Variants in ATAD5 observed in about 807,000 individuals in gnomAD.
The protein encoded by ATAD5 is ATPase family AAA domain-containing protein 5.
Under a neutral mutation model 176.9 loss-of-function variants are expected in ATAD5, and 58 were observed. The ratio of observed to expected loss-of-function variants is 0.33; its 90% CI spans 0.27 to 0.41. ATAD5 has a LOEUF of 0.41. ATAD5 is among the 10% of genes least tolerant of loss of function. ATAD5 has a pLI of 1.00. For synonymous variants in ATAD5, 640 were observed against 712.6 expected (o/e 0.90, Z 1.62); for missense variants, 1,789 against 2,094.1 (o/e 0.85, Z 2.84).
At chr17:30,851,445 G>A (rs565799426) in intron 6 of ATAD5, among the ~76,000 whole-genome samples, 119 of 148,996 alleles carry the variant, frequency 8.0e-4, no homozygotes, top group African/African-American at 2.7e-3. Flanking sequence ...ACAGTGAGCC[G>A]AGATCCCGCC....
intron 6 of ATAD5, among the ~76,000 whole-genome samples, chr17:30,847,125 G>T (rs1906556125): frequency 1.3e-5 from 2 of 152,154 alleles, no homozygotes; most frequent in African/African-American, 2.4e-5. Context: ...CCTCATTGCA[G>T]TTAATTTCTG....
intron 6 of ATAD5, among the ~76,000 whole-genome samples, chr17:30,847,053 A>G (rs1906551994): frequency 6.6e-6 from 1 of 151,988 alleles, no homozygotes; most frequent in Admixed American, 6.6e-5. Flanking sequence ...ACATACCTGT[A>G]ATTACCACCA....
At position 30,876,705 on chromosome 17, in the gene ATAD5, T is replaced by C. The variant is rs76407466; in HGVS notation, c.3784+155T>C. Among the ~76,000 whole-genome samples, 6 of 43,744 alleles carry C rather than the reference T, an allele frequency of 1.4e-4. No homozygotes were observed. The African/African-American group carries it at 1.6e-3, about 12-fold the overall frequency. The allele number at this position is 43,744 out of a possible 152,430, so 28.7% of individuals were successfully genotyped here. On this transcript the variant is annotated intron_variant, in intron 15 of 22. Coordinates refer to ENST00000321990, the MANE Select transcript of ATAD5 (RefSeq NM_024857.5). ...AGAAGTGTTAATATTTTGTTTCCTT[T>C]TTTTTTTTTTTTTTTTTTTTTTTTT...
intron 14 of ATAD5, among the ~76,000 whole-genome samples, chr17:30,871,884 T>C (rs1218204955): frequency 6.6e-6 from 1 of 152,116 alleles, no homozygotes. Flanking sequence ...TCTTCTGTGA[T>C]GTGGTTAAGT....
At chr17:30,859,827 G>A (rs1447812725) in intron 9 of ATAD5, among the ~76,000 whole-genome samples, 3 of 146,830 alleles carry the variant, frequency 2.0e-5, no homozygotes, top group South Asian at 2.4e-4. Flanking sequence ...AGGTTCCACC[G>A]ATTCTCCTGC....
At chr17:30,841,455 T>G (rs1459069282) in intron 4 of ATAD5, among the ~76,000 whole-genome samples, 1 of 152,216 alleles carries the variant, frequency 6.6e-6, no homozygotes, top group African/African-American at 2.4e-5. Flanking sequence ...TCCTGCTAAC[T>G]GCCAGTACCT....
chr17:30,855,689 T>A (rs11652409), intron 7 of ATAD5, among the ~76,000 whole-genome samples: 19,978 of 151,784 alleles, frequency 0.13, 1,457 homozygotes, highest in South Asian at 0.24. Context: ...CTAACTAACT[T>A]AATTAATTAA....
chr17:30,834,870 A>C lies in ATAD5; in HGVS notation c.789A>C (p.Ile263=), dbSNP rs1905613324. 9 of 1,613,704 alleles carry C rather than the reference A, an allele frequency of 5.6e-6. No homozygotes were observed. The East Asian group carries it at 2.0e-4, about 36-fold the overall frequency. ...CAGCCCAGTTAAATGATAGTATAAT[A>C]ACTGTCTCATATGAGGAATTTTTAA... The part of the protein sequence containing the change: ...TEAAQLNDSI[I]TVSYEEFLKS... Residue 263 remains isoleucine (I), a synonymous_variant, in exon 2 of 23, where the codon ATA becomes ATC. Coordinates refer to ENST00000321990, the MANE Select transcript of ATAD5 (RefSeq NM_024857.5).
chr17:30,869,587 A>G lies in ATAD5; in HGVS notation c.3548A>G (p.Gln1183Arg). 6.2e-7 allele frequency: 1 copy of G among 1,608,158 alleles called. No homozygotes were observed. The highest frequency in any genetic ancestry group is 1.7e-5 in the Admixed American group (1 of 57,970). Residue 1183 changes from glutamine (Q) to arginine (R), a missense_variant, in exon 14 of 23, where the codon CAA becomes CGA. Gln to Arg is a conservative substitution (Grantham distance 43). This residue lies in a region of ATAD5 where 194 missense variants were observed against 270.1 expected (regional missense o/e 0.72). Transcript: ENST00000321990. ...EATQSHQVDK[Q>R]GVNSQKPCFF... ...ACTCAGTCCCATCAAGTAGACAAAC[A>G]AGGTGTAAACTCACAAAAACCCTGT...
chr17:30,842,053 G>A lies in ATAD5; in HGVS notation c.2241+1272G>A, dbSNP rs367813459. Among the ~76,000 whole-genome samples, 75 of 152,172 alleles carry A rather than the reference G, an allele frequency of 4.9e-4. 1 individual carries two copies. In the South Asian group the frequency reaches 0.014, roughly 29 times the overall value. On this transcript the variant is annotated intron_variant, in intron 4 of 22. Transcript: ENST00000321990. The stretch of plus-strand genomic sequence containing the variant: ...TGAGAGGCTGAGGCGGGAGGATCAC[G>A]AGGTCAGGAGTTTGAGACCAGTCTG...
intron 10 of ATAD5, among the ~76,000 whole-genome samples, chr17:30,865,211 C>T (rs150164658): frequency 0.03 from 4,435 of 145,828 alleles, 242 homozygotes; most frequent in African/African-American, 0.11. Context: ...CTCGCTCTGT[C>T]GCCCAGGCTA....
At chr17:30,869,809 A>C in intron 14 of ATAD5, 163 bp downstream of exon 14, 1 of 692,766 alleles carries the variant, frequency 1.4e-6, no homozygotes, top group Non-Finnish European at 2.3e-6. Flanking sequence ...GAAGACCATC[A>C]TATCATTTCA....
chr17:30,879,520 A>G (rs1439070560), intron 18 of ATAD5, 33 bp downstream of exon 18: 3 of 1,551,778 alleles, frequency 1.9e-6, no homozygotes, highest in South Asian at 2.4e-5. Context: ...CACAAATTAC[A>G]TATCACCATC....
In ATAD5 at chr17:30,835,139, A is replaced by G; in HGVS notation, c.1058A>G (p.Asn353Ser). 6.2e-7 allele frequency: 1 copy of G among 1,614,162 alleles called. No individual in the cohort carries two copies. Among genetic ancestry groups the G allele is most frequent in the African/African-American group, 1.3e-5 (1 of 75,056 alleles). ...FLKQKQFEME[N>S]SLSDPENEQT... is the part of the protein sequence containing the mutation. ...AAACAAAAGCAATTTGAAATGGAAA[A>G]TAGTTTATCTGATCCTGAGAATGAA... Residue 353 changes from asparagine to serine, a missense_variant, in exon 2 of 23, where the codon AAT becomes AGT. By Grantham distance (46) the Asn-to-Ser change is conservative. Transcript: ENST00000321990.
chr17:30,840,306 CTG>C (rs1304194400), intron 3 of ATAD5, among the ~76,000 whole-genome samples: 1 of 150,496 alleles, frequency 6.6e-6, no homozygotes, highest in African/African-American at 2.5e-5. Flanking sequence ...GGCTGGGTAA[CTG>C]TTTGGATTTG....
intron 4 of ATAD5, 126 bp downstream of exon 4, chr17:30,840,907 C>A (rs1220444244): frequency 5.3e-6 from 5 of 938,002 alleles, no homozygotes; most frequent in Non-Finnish European, 6.1e-6. Flanking sequence ...GAGAGAATAT[C>A]ATTTTCAGTT....
intron 11 of ATAD5, among the ~76,000 whole-genome samples, chr17:30,866,434 G>A (rs889212215): frequency 6.7e-6 from 1 of 150,184 alleles, no homozygotes; most frequent in Admixed American, 6.6e-5. Flanking sequence ...GACCTCAGGT[G>A]GTCCACCCGC....
At position 30,868,384 on chromosome 17, in the gene ATAD5, GA is replaced by G; in HGVS notation, c.3287del (p.Lys1096ArgfsTer15). On this transcript the variant is annotated frameshift_variant, in exon 12 of 23. Transcript: ENST00000321990. LOFTEE classifies it high-confidence loss of function. ...CTGAATTGGAAGAAAGGCAGAATCT[GA>G]AGGGAAAAAGAGATGAGAAACATGA... ...RAELEERQNL[K>X]GKRDEKHEDF... 6.4e-7 allele frequency: 1 copy of G among 1,570,166 alleles called. No individual in the cohort carries two copies. The highest frequency in any genetic ancestry group is 8.6e-7 in the Non-Finnish European group (1 of 1,162,672).
At chr17:30,839,799 T>C (rs189562387) in intron 3 of ATAD5, among the ~76,000 whole-genome samples, 14 of 148,516 alleles carry the variant, frequency 9.4e-5, no homozygotes, top group South Asian at 4.4e-4. Context: ...GACCCAGGGA[T>C]GTCTGGAACT....
Sources: gnomAD v4.1 joint callset for allele counts (sites outside exome capture counted in the v4.1 genomes callset) on GRCh38, gnomAD v4.1.1 for gene constraint, gnomAD v4.1.1 regional missense constraint, MANE v1.5 for transcripts, NCBI Gene and HGNC (gene_info 2026-07-23, HGNC 2026-07-21) for gene names.